MTHFS: variants seen among roughly 807,000 people sequenced by gnomAD.
MTHFS encodes 5-formyltetrahydrofolate cyclo-ligase.
A neutral mutation model predicts 12.7 loss-of-function variants in MTHFS; 7 were observed. The ratio of observed to expected loss-of-function variants is 0.55; its 90% CI spans 0.31 to 1.03. The LOEUF (loss-of-function observed/expected upper bound fraction) is 1.03. Among genes scored for constraint, MTHFS ranks in the 50% least tolerant of loss-of-function variants. The pLI, the probability that MTHFS is intolerant of heterozygous loss-of-function variation, is 0.05. For synonymous variants in MTHFS, 100 were observed against 97.1 expected (o/e 1.03, Z -0.18); for missense variants, 252 against 258.1 (o/e 0.98, Z 0.16).
chr15:79,844,870 C>G lies in MTHFS; in HGVS notation c.*340G>C, dbSNP rs2033581241. The G allele has an allele frequency of 1.3e-5, 4 of 299,326 alleles. No individual in the cohort carries two copies. The highest frequency in any genetic ancestry group is 4.9e-5 in the Admixed American group (1 of 20,216). 18.5% of individuals were successfully genotyped at this position (299,326 alleles called of 1,614,324 possible). Reference sequence around the variant, plus strand: ...CGTAATGAAATACAGTGCCCACTCCCGCAAGTTTACCTTCCTCTCGCACTC... The same window carrying G: ...CGTAATGAAATACAGTGCCCACTCCGGCAAGTTTACCTTCCTCTCGCACTC... On this transcript the variant is annotated 3_prime_UTR_variant, in exon 3 of 3. Coordinates refer to ENST00000258874, the MANE Select transcript of MTHFS (RefSeq NM_006441.4).
At chr15:79,870,205 C>T (rs1356779361) in intron 2 of MTHFS, among the ~76,000 whole-genome samples, 1 of 152,198 alleles carries the variant, frequency 6.6e-6, no homozygotes, top group East Asian at 1.9e-4. Flanking sequence ...CACAAGACAA[C>T]AGACTAGTTG....
intron 2 of MTHFS, among the ~76,000 whole-genome samples, chr15:79,867,624 C>A (rs1053282709): frequency 1.3e-3 from 199 of 148,734 alleles, no homozygotes; most frequent in Non-Finnish European, 1.9e-3. Flanking sequence ...AAAAAAAAAA[C>A]CAACAGAAGT....
intron 2 of MTHFS, among the ~76,000 whole-genome samples, chr15:79,851,071 G>A (rs1437783093): frequency 6.6e-6 from 1 of 152,124 alleles, no homozygotes; most frequent in Non-Finnish European, 1.5e-5. Flanking sequence ...AGCCCAAGAG[G>A]TATGTGGGCA....
At chr15:79,879,007 A>G (rs2034249234) in intron 2 of MTHFS, among the ~76,000 whole-genome samples, 1 of 152,134 alleles carries the variant, frequency 6.6e-6, no homozygotes, top group Non-Finnish European at 1.5e-5. Flanking sequence ...AGACTGTACT[A>G]AATAAAAGAT....
At chr15:79,867,137 A>T (rs1184948214) in intron 2 of MTHFS, among the ~76,000 whole-genome samples, 1 of 152,220 alleles carries the variant, frequency 6.6e-6, no homozygotes, top group Non-Finnish European at 1.5e-5. Flanking sequence ...CAGGATAAAA[A>T]TAGCCTAATA....
chr15:79,881,833 A>G (rs1428458873), intron 2 of MTHFS, among the ~76,000 whole-genome samples: 1 of 152,192 alleles, frequency 6.6e-6, no homozygotes, highest in African/African-American at 2.4e-5. Flanking sequence ...GAACTGGGTG[A>G]CCTCGCATTA....
chr15:79,871,828 C>T (rs897010257), intron 2 of MTHFS, among the ~76,000 whole-genome samples: 14 of 151,974 alleles, frequency 9.2e-5, no homozygotes, highest in South Asian at 8.3e-4. Context: ...TTACATAGGC[C>T]GGGCACGGTG....
At chr15:79,883,275 A>G (rs1323330502) in intron 2 of MTHFS, among the ~76,000 whole-genome samples, 1 of 152,210 alleles carries the variant, frequency 6.6e-6, no homozygotes, top group Non-Finnish European at 1.5e-5. Context: ...CCCTGTGTAC[A>G]TGCACACAGT....
chr15:79,852,807 T>C (rs564188943), intron 2 of MTHFS, among the ~76,000 whole-genome samples: 1 of 152,348 alleles, frequency 6.6e-6, no homozygotes, highest in Non-Finnish European at 1.5e-5. Context: ...AGACAATCTG[T>C]GTGCATCTTA....
At chr15:79,871,565 C>A in intron 2 of MTHFS, among the ~76,000 whole-genome samples, 1 of 151,156 alleles carries the variant, frequency 6.6e-6, no homozygotes. Context: ...TCAATTTCCA[C>A]TTTATCTTCT....
chr15:79,889,049 C>T (rs1447621099), intron 2 of MTHFS, 44 bp downstream of exon 2: 1 of 1,601,358 alleles, frequency 6.2e-7, no homozygotes, highest in South Asian at 1.1e-5. Flanking sequence ...TGAGATCTAA[C>T]AACTGGTCAT....
At chr15:79,870,248 G>A (rs1476181417) in intron 2 of MTHFS, among the ~76,000 whole-genome samples, 1 of 152,148 alleles carries the variant, frequency 6.6e-6, no homozygotes, top group African/African-American at 2.4e-5. Flanking sequence ...ATAGCCCTAA[G>A]ACTAAATCTG....
rs551291029 is a variant in MTHFS at position 79,889,403 on chromosome 15, A to T, written c.118-49T>A. 8.5e-6 allele frequency: 13 copies of T among 1,523,790 alleles called. No individual in the cohort carries two copies. The South Asian group carries it at 1.6e-4, about 18-fold the overall frequency. The allele number at this position is 1,523,790 out of a possible 1,614,324, so 94.4% of individuals were successfully genotyped here. A position where few individuals can be genotyped will look rare whatever the true frequency, so the allele number is the denominator to read the frequency against. On this transcript the variant is annotated intron_variant, in intron 1 of 2. Coordinates refer to ENST00000258874, the MANE Select transcript of MTHFS (RefSeq NM_006441.4). Reference sequence around the variant, plus strand: ...ATATTTTCCAAGACTATATTTAGCAACTCCTCTTAACAATTCCTCCTTTCT... The same window carrying T: ...ATATTTTCCAAGACTATATTTAGCATCTCCTCTTAACAATTCCTCCTTTCT...
chr15:79,886,270 T>A (rs2733107), intron 2 of MTHFS, among the ~76,000 whole-genome samples: 19,965 of 152,228 alleles, frequency 0.13, 1,447 homozygotes, highest in Admixed American at 0.21. Context: ...AAGCTAGATG[T>A]ATGCTTAAGC....
At chr15:79,887,764 A>T (rs2586183) in intron 2 of MTHFS, among the ~76,000 whole-genome samples, 68,302 of 152,060 alleles carry the variant, frequency 0.45, 16,119 homozygotes, top group Non-Finnish European at 0.52. Context: ...TGAAAATATG[A>T]AAGAGTTTTA....
At chr15:79,859,689 G>A (rs940886087) in intron 2 of MTHFS, among the ~76,000 whole-genome samples, 9 of 151,934 alleles carry the variant, frequency 5.9e-5, no homozygotes, top group African/African-American at 2.2e-4. Flanking sequence ...ATAATGGCGG[G>A]AGCCTGTAAT....
chr15:79,868,343 C>T (rs1388066766), intron 2 of MTHFS, among the ~76,000 whole-genome samples: 1 of 152,118 alleles, frequency 6.6e-6, no homozygotes, highest in Non-Finnish European at 1.5e-5. Context: ...TGAAAGAGCT[C>T]TGTATCAGGT....
chr15:79,846,385 CTA>C (rs919631870), intron 2 of MTHFS, among the ~76,000 whole-genome samples: 99 of 152,306 alleles, frequency 6.5e-4, no homozygotes, highest in African/African-American at 2.2e-3. Context: ...TCTGGGTGAC[CTA>C]TAGCTTAGTT....
rs1272337421 is a variant in MTHFS at position 79,844,892 on chromosome 15, A to G, written c.*318T>C. ...TCCCGCAAGTTTACCTTCCTCTCGC[A>G]CTCAGTCGGAGCACAGTTCCTCATA... On this transcript the variant is annotated 3_prime_UTR_variant, in exon 3 of 3. Transcript: ENST00000258874. 8 of 329,930 alleles carry G rather than the reference A, an allele frequency of 2.4e-5. No homozygotes were observed. Among genetic ancestry groups the G allele is most frequent in the Non-Finnish European group, 4.5e-5 (8 of 177,078 alleles). The allele number at this position is 329,930 out of a possible 1,614,324, so 20.4% of individuals were successfully genotyped here.
Sources: allele counts gnomAD v4.1 joint callset (sites outside exome capture counted in the v4.1 genomes callset), GRCh38; gene constraint gnomAD v4.1.1; transcripts MANE v1.5; gene names NCBI Gene and HGNC (gene_info 2026-07-23, HGNC 2026-07-21).